The following IGLL5 variants were observed in gnomAD, a reference collection of about 807,000 sequenced individuals.
The protein encoded by IGLL5 is immunoglobulin lambda like polypeptide 5, also known as immunoglobulin lambda-like polypeptide 5.
Under a neutral mutation model 20.9 loss-of-function variants are expected in IGLL5, and 30 were observed. The ratio of observed to expected loss-of-function variants is 1.44; its 90% CI spans 1.07 to 1.95. The LOEUF (loss-of-function observed/expected upper bound fraction) is 1.95. Ranked by LOEUF, IGLL5 falls within the 30% of genes most tolerant of loss-of-function variation. The pLI, the probability that IGLL5 is intolerant of heterozygous loss-of-function variation, is 0.00. For missense variants in IGLL5, 475 were observed against 270.7 expected (o/e 1.75, Z -5.30); for synonymous variants, 203 against 117.3 (o/e 1.73, Z -4.72).
chr22:22,893,566 C>T, intron 1 of IGLL5, 134 bp from the exon 2 acceptor site: 1 of 615,686 alleles, frequency 1.6e-6, no homozygotes, highest in South Asian at 2.0e-5. Flanking sequence ...TGGGGTAACT[C>T]CAAGGCTGTG....
At chr22:22,893,869 GA>G (rs2067938142) in intron 2 of IGLL5, 51 bp downstream of exon 2, 3 of 1,277,514 alleles carry the variant, frequency 2.3e-6, no homozygotes, top group African/African-American at 1.5e-5. Flanking sequence ...GCTGTCCCTG[GA>G]AAATCTGTTT....
chr22:22,888,193 G>A lies in IGLL5; in HGVS notation c.140G>A (p.Ser47Asn), dbSNP rs540568540. 18 of 1,548,776 alleles carry A rather than the reference G, an allele frequency of 1.2e-5. 1 individual carries two copies. The highest frequency in any genetic ancestry group is 6.9e-5 in the African/African-American group (5 of 72,904). Residue 47 changes from serine to asparagine, a missense_variant, in exon 1 of 3, where the codon AGC becomes AAC. By Grantham distance (46) the Ser-to-Asn change is conservative. Transcript: ENST00000526893. ...GLLRPMVAPQ[S>N]GDPDPGASVG... is the part of the protein sequence containing the mutation. ...CTGCGCCCAATGGTTGCACCGCAAA[G>A]CGGGGACCCAGACCCTGGAGCCTCA... is the stretch of plus-strand genomic sequence containing the variant.
intron 1 of IGLL5, among the ~76,000 whole-genome samples, chr22:22,888,488 T>C (rs544964582): frequency 6.6e-6 from 1 of 151,466 alleles, no homozygotes; most frequent in Admixed American, 6.6e-5. Context: ...CTGAGTTTTC[T>C]GGCGCCACTT....
At position 22,895,516 on chromosome 22, in the gene IGLL5, C is replaced by A; in HGVS notation, c.467C>A (p.Pro156His). The A allele has an allele frequency of 6.2e-7, 1 of 1,612,690 alleles. No homozygotes were observed. The highest frequency in any genetic ancestry group is 8.5e-7 in the Non-Finnish European group (1 of 1,179,620). The change falls in exon 3 of 3, where the codon CCC (proline) becomes CAC (histidine). Residue 156 changes from proline to histidine, a missense_variant. Transcript: ENST00000526893. ...VTVAWKADGS[P>H]VKAGVETTKP... is the part of the protein sequence containing the mutation. ...GTGGCCTGGAAGGCAGATGGCAGCCCCGTCAAGGCGGGAGTGGAGACCACC... is the reference window on the plus strand; with the variant it reads ...GTGGCCTGGAAGGCAGATGGCAGCCACGTCAAGGCGGGAGTGGAGACCACC...
intron 2 of IGLL5, among the ~76,000 whole-genome samples, chr22:22,894,981 A>G (rs2066713617): frequency 6.6e-6 from 1 of 151,470 alleles, no homozygotes; most frequent in Middle Eastern, 3.7e-3. Context: ...AGGAGGCTCT[A>G]GGTCCTGGAA....
intron 1 of IGLL5, among the ~76,000 whole-genome samples, chr22:22,888,738 C>A (rs149788771): frequency 1.3e-5 from 2 of 151,218 alleles, no homozygotes; most frequent in East Asian, 2.0e-4. Context: ...TGTCTGTTCA[C>A]CAACTTGCAC....
At position 22,888,503 on chromosome 22, in the gene IGLL5, T is replaced by C. The variant is rs551686847; in HGVS notation, c.206+244T>C. Among the ~76,000 whole-genome samples the C allele has an allele frequency of 7.9e-5, 12 of 151,382 alleles. 1 individual carries two copies. Among genetic ancestry groups the C allele is most frequent in the South Asian group, 6.3e-4 (3 of 4,750 alleles). ...CTGAGTTTTCTGGCGCCACTTAAAT[T>C]TTCACCAGGGTCAGTGCCTCAATCA... is the stretch of plus-strand genomic sequence containing the variant. On this transcript the variant is annotated intron_variant, in intron 1 of 2. Coordinates refer to ENST00000526893, the MANE Select transcript of IGLL5 (RefSeq NM_001178126.2).
chr22:22,888,896 T>A (rs554110940), intron 1 of IGLL5, among the ~76,000 whole-genome samples: 1 of 151,278 alleles, frequency 6.6e-6, no homozygotes, highest in South Asian at 2.1e-4. Flanking sequence ...CCCAGGCTGG[T>A]CTCACAGATC....
At chr22:22,889,183 T>G (rs1473751406) in intron 1 of IGLL5, among the ~76,000 whole-genome samples, 1 of 151,034 alleles carries the variant, frequency 6.6e-6, no homozygotes, top group Non-Finnish European at 1.5e-5. Flanking sequence ...GATGGCCAAG[T>G]CCAGGGTAGG....
intron 1 of IGLL5, among the ~76,000 whole-genome samples, chr22:22,889,560 T>A (rs2067733164): frequency 6.6e-6 from 1 of 151,098 alleles, no homozygotes; most frequent in Admixed American, 6.6e-5. Context: ...CCAGAAAGGG[T>A]GTGAAAAAAC....
chr22:22,888,062 C>CAAGG lies in IGLL5; in HGVS notation c.12_13insGAAG (p.Thr5GlufsTer8), dbSNP rs1569077910. The CAAGG allele has an allele frequency of 6.5e-7, 1 of 1,549,208 alleles. No individual in the cohort carries two copies. Among genetic ancestry groups the CAAGG allele is most frequent in the Admixed American group, 2.0e-5 (1 of 50,814 alleles). On this transcript the variant is annotated frameshift_variant, in exon 1 of 3. Coordinates refer to ENST00000526893, the MANE Select transcript of IGLL5 (RefSeq NM_001178126.2). LOFTEE classifies it high-confidence loss of function. ...CCTGAACCTGAAGGCCAATGAGACC[C>CAAGG]AAGACAGGCCAAGTGGGTTGTGAGA...
chr22:22,895,559 C>T lies in IGLL5; in HGVS notation c.510C>T (p.Ser170=), dbSNP rs2066749407. ...AGACCACCAAACCCTCCAAACAGAG[C>T]AACAACAAGTACGCGGCCAGCAGCT... The part of the protein sequence containing the change: ...GVETTKPSKQ[S]NNKYAASSYL... The change falls in exon 3 of 3, where the codon AGC becomes AGT. Residue 170 remains serine (S), a synonymous_variant. Coordinates refer to ENST00000526893, the MANE Select transcript of IGLL5 (RefSeq NM_001178126.2). 1 of 1,612,984 alleles carries T rather than the reference C, an allele frequency of 6.2e-7. No individual in the cohort carries two copies. The highest frequency in any genetic ancestry group is 8.5e-7 in the Non-Finnish European group (1 of 1,179,642).
intron 1 of IGLL5, among the ~76,000 whole-genome samples, chr22:22,889,241 G>A (rs1601607062): frequency 6.6e-6 from 1 of 151,174 alleles, no homozygotes; most frequent in East Asian, 2.0e-4. Flanking sequence ...AGGACACTCA[G>A]ATTCAGAGCA....
chr22:22,894,517 C>G (rs542475247), intron 2 of IGLL5, among the ~76,000 whole-genome samples: 1 of 151,570 alleles, frequency 6.6e-6, no homozygotes, highest in African/African-American at 2.4e-5. Context: ...GGAGCCCCGT[C>G]ACCTCTGGGG....
intron 1 of IGLL5, among the ~76,000 whole-genome samples, chr22:22,888,987 G>A (rs558721506): frequency 4.6e-5 from 7 of 151,322 alleles, no homozygotes; most frequent in South Asian, 4.2e-4. Context: ...GAGGCTGGGA[G>A]CTCCTGGGTG....
rs1269627289 is a variant in IGLL5, at chr22:22,888,022, C to T, written c.-32C>T. The T allele has an allele frequency of 2.0e-5, 31 of 1,529,156 alleles. No homozygotes were observed. The Admixed American group carries it at 2.2e-4, about 11-fold the overall frequency. The allele number at this position is 1,529,156 out of a possible 1,614,324, so 94.7% of individuals were successfully genotyped here. The stretch of plus-strand genomic sequence containing the variant: ...CCTCCAGGGAGCCCATGCTGCAAGT[C>T]GGGCCAGAGGTGCCCCTGAACCTGA... On this transcript the variant is annotated 5_prime_UTR_variant, in exon 1 of 3. Coordinates refer to ENST00000526893, the MANE Select transcript of IGLL5 (RefSeq NM_001178126.2).
chr22:22,888,483 T>A (rs140496455), intron 1 of IGLL5, among the ~76,000 whole-genome samples: 2 of 151,378 alleles, frequency 1.3e-5, no homozygotes, highest in East Asian at 2.0e-4. Context: ...GATTTCTGAG[T>A]TTTCTGGCGC....
Position 22,888,407 on chromosome 22 carries a change from A to G in IGLL5, c.206+148A>G, listed in dbSNP as rs148123510. The G allele has an allele frequency of 2.9e-3, 1,900 of 644,564 alleles. 54 individuals are homozygous for G. The South Asian group carries it at 0.035, about 12-fold the overall frequency. 39.9% of individuals were successfully genotyped at this position (644,564 alleles called of 1,614,324 possible). A position where few individuals can be genotyped will look rare whatever the true frequency, so the allele number is the denominator to read the frequency against. On this transcript the variant is annotated intron_variant, in intron 1 of 2. Coordinates refer to ENST00000526893, the MANE Select transcript of IGLL5 (RefSeq NM_001178126.2). ...ACACTGGCTTTAGTAATGGGTTGAT[A>G]TTTTGTCCATCACAGATTTGTTTGA...
At chr22:22,888,451 A>T (rs186215914) in intron 1 of IGLL5, among the ~76,000 whole-genome samples, 192 bp downstream of exon 1, 2 of 151,430 alleles carry the variant, frequency 1.3e-5, no homozygotes, top group East Asian at 2.0e-4. Context: ...TTTTAATATC[A>T]TATTACGATA....
Sources: allele counts gnomAD v4.1 joint callset (sites outside exome capture counted in the v4.1 genomes callset), GRCh38; gene constraint gnomAD v4.1.1; transcripts MANE v1.5; gene names NCBI Gene and HGNC (gene_info 2026-07-23, HGNC 2026-07-21).